The following ZFP90 variants were observed in gnomAD, a reference collection of about 807,000 sequenced individuals.
The protein encoded by ZFP90 is zinc finger protein 90 homolog.
In ZFP90, 38 loss-of-function variants were observed where a neutral mutation model predicts 60.8. The observed-to-expected ratio is 0.62, with a 90% CI of 0.48 to 0.82. The LOEUF is 0.82. Ranked by LOEUF, ZFP90 falls within the 40% of genes least tolerant of loss-of-function variation. ZFP90 has a pLI of 0.00. For missense variants in ZFP90, 711 were observed against 759.1 expected (o/e 0.94, Z 0.74); for synonymous variants, 287 against 264.8 (o/e 1.08, Z -0.82).
In ZFP90 at chr16:68,564,061, G is replaced by C. The variant is rs531556154; in HGVS notation, c.1274G>C (p.Ser425Thr). 3 of 1,614,098 alleles carry C rather than the reference G, an allele frequency of 1.9e-6. No homozygotes were observed. Among genetic ancestry groups the C allele is most frequent in the African/African-American group, 2.7e-5 (2 of 75,032 alleles). Residue 425 changes from serine to threonine, a missense_variant, in exon 5 of 5, where the codon AGT becomes ACT. Ser to Thr is a moderately conservative substitution (Grantham distance 58). Coordinates refer to ENST00000563169, the MANE Select transcript of ZFP90 (RefSeq NM_001305203.2). Reference protein sequence around the residue: ...IHKRGKPYQSSNYSIDFKHST... With the variant: ...IHKRGKPYQSTNYSIDFKHST... ...AAGAGAGGCAAACCTTACCAAAGCA[G>C]TAACTACAGCATAGATTTCAAGCAC...
At position 68,539,742 on chromosome 16, in the gene ZFP90, T is replaced by G. The variant is rs2091002913; in HGVS notation, c.-35-16T>G. Reference sequence around the variant, plus strand: ...GTGTTGCAGCGGGGTGAGTGGGCCCTGTCCTTTCTCCCCAGCTCCTGCCCC... The same window carrying G: ...GTGTTGCAGCGGGGTGAGTGGGCCCGGTCCTTTCTCCCCAGCTCCTGCCCC... On this transcript the variant is annotated splice_polypyrimidine_tract_variant and intron_variant, in intron 1 of 4. Transcript: ENST00000563169. 1.3e-6 allele frequency: 2 copies of G among 1,539,208 alleles called. No individual in the cohort carries two copies. The highest frequency in any genetic ancestry group is 2.4e-5 in the South Asian group (2 of 83,464).
downstream of ZFP90, chr16:68,567,209 C>T: frequency 3.1e-6 from 3 of 964,472 alleles, no homozygotes; most frequent in Non-Finnish European, 3.7e-6. Flanking sequence ...GAGGAATTAA[C>T]TGCTAAACTC....
intron 2 of ZFP90, 59 bp downstream of exon 2, chr16:68,539,884 A>G: frequency 1.3e-5 from 20 of 1,579,438 alleles, no homozygotes; most frequent in Non-Finnish European, 1.7e-5. Flanking sequence ...CCCATCTCCC[A>G]AGGGTGTTTG....
chr16:68,564,941 T>G lies in ZFP90; in HGVS notation c.*243T>G. 1 of 1,244,368 alleles carries G rather than the reference T, an allele frequency of 8.0e-7. No homozygotes were observed. Among genetic ancestry groups the G allele is most frequent in the Non-Finnish European group, 1.0e-6 (1 of 993,976 alleles). The allele number at this position is 1,244,368 out of a possible 1,614,324, so 77.1% of individuals were successfully genotyped here. On this transcript the variant is annotated 3_prime_UTR_variant, in exon 5 of 5. Transcript: ENST00000563169. ...GCTGGTTGGGGATGATATGCCTGTATGTTGGACTTTGCTTTTGAATATATG... is the reference window on the plus strand; with the variant it reads ...GCTGGTTGGGGATGATATGCCTGTAGGTTGGACTTTGCTTTTGAATATATG...
intron 2 of ZFP90, among the ~76,000 whole-genome samples, chr16:68,572,983 T>A (rs955347315): frequency 2.6e-5 from 4 of 152,208 alleles, no homozygotes; most frequent in African/African-American, 9.6e-5. Flanking sequence ...ACTCCATCTG[T>A]TTTCCTTGAC....
chr16:68,558,038 A>G lies in ZFP90; in HGVS notation c.74A>G (p.Gln25Arg). 4 of 1,613,934 alleles carry G rather than the reference A, an allele frequency of 2.5e-6. No individual in the cohort carries two copies. The highest frequency in any genetic ancestry group is 3.4e-6 in the Non-Finnish European group (4 of 1,179,968). Residue 25 changes from glutamine to arginine, a missense_variant, in exon 3 of 5, where the codon CAG becomes CGG. Gln to Arg is a conservative substitution (Grantham distance 43, BLOSUM62 1). This residue lies in a region of ZFP90 where 2 missense variants were observed against 18.2 expected (regional missense o/e 0.11). Transcript: ENST00000563169. The part of the protein sequence containing the change: ...TFKDVSVDFT[Q>R]EEWYHVDPAQ... The stretch of plus-strand genomic sequence containing the variant: ...AAAGATGTGTCTGTGGACTTCACCC[A>G]GGAAGAATGGTACCATGTCGACCCT...
chr16:68,540,569 C>G (rs375193148), intron 2 of ZFP90, among the ~76,000 whole-genome samples: 6 of 152,212 alleles, frequency 3.9e-5, no homozygotes, highest in African/African-American at 9.6e-5. Context: ...GAAAATACAT[C>G]AAGATCCAGA....
chr16:68,543,926 C>T (rs577384615), intron 2 of ZFP90, among the ~76,000 whole-genome samples: 9 of 149,370 alleles, frequency 6.0e-5, no homozygotes, highest in African/African-American at 1.7e-4. Context: ...AATGTTGTCT[C>T]GCTGCAACCT....
rs36048265 is a variant in ZFP90, at chr16:68,566,122, G to GACAC, written c.*1432_*1435dup. On this transcript the variant is annotated 3_prime_UTR_variant, in exon 5 of 5. Coordinates refer to ENST00000563169, the MANE Select transcript of ZFP90 (RefSeq NM_001305203.2). ...CATTCCAGCCTGAGCAACAGAGCAA[G>GACAC]ACACACACACATCAATTTATTTTAG... 1.1e-5 allele frequency: 11 copies of GACAC among 971,392 alleles called. No individual in the cohort carries two copies. Among genetic ancestry groups the GACAC allele is most frequent in the Non-Finnish European group, 9.8e-6 (8 of 817,614 alleles). The allele number at this position is 971,392 out of a possible 1,614,324, so 60.2% of individuals were successfully genotyped here. A position where few individuals can be genotyped will look rare whatever the true frequency, so the allele number is the denominator to read the frequency against.
Position 68,563,477 on chromosome 16 carries a change from G to C in ZFP90, c.690G>C (p.Glu230Asp). ...FIHRSSLTKHEKTHKGEGAFP... is the reference protein window; with the variant it reads ...FIHRSSLTKHDKTHKGEGAFP... ...ATAGATCATCGCTTACTAAACATGAGAAAACACATAAAGGAGAGGGAGCTT... is the reference window on the plus strand; with the variant it reads ...ATAGATCATCGCTTACTAAACATGACAAAACACATAAAGGAGAGGGAGCTT... The change falls in exon 5 of 5, where the codon GAG (glutamate) becomes GAC (aspartate). Residue 230 changes from glutamate (E) to aspartate (D), a missense_variant. Physicochemically the swap from Glu to Asp is conservative, Grantham distance 45. This residue lies in a region of ZFP90 where 241 missense variants were observed against 247.6 expected (regional missense o/e 0.97). Coordinates refer to ENST00000563169, the MANE Select transcript of ZFP90 (RefSeq NM_001305203.2). 1 of 1,614,058 alleles carries C rather than the reference G, an allele frequency of 6.2e-7. No homozygotes were observed. The highest frequency in any genetic ancestry group is 8.5e-7 in the Non-Finnish European group (1 of 1,180,002).
chr16:68,565,958 CTT>C lies in ZFP90; in HGVS notation c.*1262_*1263del. 4.2e-6 allele frequency: 3 copies of C among 709,188 alleles called. No individual in the cohort carries two copies. Among genetic ancestry groups the C allele is most frequent in the Non-Finnish European group, 5.2e-6 (3 of 582,218 alleles). The allele number at this position is 709,188 out of a possible 1,614,324, so 43.9% of individuals were successfully genotyped here. On this transcript the variant is annotated 3_prime_UTR_variant, in exon 5 of 5. Coordinates refer to ENST00000563169, the MANE Select transcript of ZFP90 (RefSeq NM_001305203.2). ...TGGACAACATGGTGAAACCCCATCT[CTT>C]TAAAAAAAAAAAAAAATCCAAAAAT... is the stretch of plus-strand genomic sequence containing the variant.
chr16:68,570,942 A>G (rs887470538), downstream of ZFP90, among the ~76,000 whole-genome samples: 3 of 152,228 alleles, frequency 2.0e-5, no homozygotes, highest in Non-Finnish European at 4.4e-5. Flanking sequence ...AGCAACCCTC[A>G]GATGCTGAAG....
rs2091471363 is a variant in ZFP90 at position 68,563,663 on chromosome 16, G to C, written c.876G>C (p.Arg292Ser). The stretch of plus-strand genomic sequence containing the variant: ...GCAATGTATGTGGAAAGGCCTTCAG[G>C]CATAGCTCATCTCTTGGTCAGCATG... ...FECNVCGKAF[R>S]HSSSLGQHEN... The change falls in exon 5 of 5, where the codon AGG becomes AGC. Residue 292 changes from arginine to serine, a missense_variant. Transcript: ENST00000563169. 1 of 1,613,948 alleles carries C rather than the reference G, an allele frequency of 6.2e-7. No individual in the cohort carries two copies.
At chr16:68,545,108 T>C (rs2091124303) in intron 2 of ZFP90, among the ~76,000 whole-genome samples, 2 of 152,020 alleles carry the variant, frequency 1.3e-5, no homozygotes, top group South Asian at 4.2e-4. Flanking sequence ...TTCGATCTCC[T>C]GACCTCATGA....
In ZFP90 at chr16:68,539,810, G is replaced by A. The variant is rs2091005913; in HGVS notation, c.18G>A (p.Pro6=). The change falls in exon 2 of 5, where the codon CCG becomes CCA. Residue 6 remains proline, a synonymous_variant. Transcript: ENST00000563169. ...AGGCAGGAATGGCCCCGAGGCCTCC[G>A]ACCGCCGCGCCCCAGGTGAGCAACG... is the stretch of plus-strand genomic sequence containing the variant. MAPRP[P]TAAPQESVTF... is the part of the protein sequence containing the mutation. 4 of 1,604,804 alleles carry A rather than the reference G, an allele frequency of 2.5e-6. No homozygotes were observed. Among genetic ancestry groups the A allele is most frequent in the Non-Finnish European group, 2.5e-6 (3 of 1,177,286 alleles).
intron 2 of ZFP90, among the ~76,000 whole-genome samples, chr16:68,552,977 G>A (rs575672829): frequency 1.2e-4 from 19 of 152,222 alleles, no homozygotes; most frequent in African/African-American, 4.1e-4. Context: ...GCCTAGGCCC[G>A]GTAGGTCAAG....
chr16:68,540,808 C>G (rs1304735396), intron 2 of ZFP90, among the ~76,000 whole-genome samples: 19 of 92,654 alleles, frequency 2.1e-4, no homozygotes, highest in South Asian at 7.3e-4. Context: ...TCCGTCTCTG[C>G]AAAAAAAAAA....
chr16:68,564,273 C>A lies in ZFP90; in HGVS notation c.1486C>A (p.Pro496Thr). 1 of 1,614,074 alleles carries A rather than the reference C, an allele frequency of 6.2e-7. No homozygotes were observed. The highest frequency in any genetic ancestry group is 8.5e-7 in the Non-Finnish European group (1 of 1,180,012). Residue 496 changes from proline to threonine, a missense_variant, in exon 5 of 5, where the codon CCC (proline) becomes ACC (threonine). Pro to Thr is a conservative substitution (Grantham distance 38, BLOSUM62 -1). Transcript: ENST00000563169. ...AGCTATTTCTCATCCTGGAGAGAAA[C>A]CCTATCAATGTAATGTATGTGGGAA... is the stretch of plus-strand genomic sequence containing the variant. ...QQAISHPGEK[P>T]YQCNVCGKAF...
At position 68,563,813 on chromosome 16, in the gene ZFP90, A is replaced by C. The variant is rs764376107; in HGVS notation, c.1026A>C (p.Leu342=). ...GAGAGAAACCCTATCGATGTAATCT[A>C]TGTGGGAGGTCCTTTAGGCATGGCA... ...HTGEKPYRCN[L]CGRSFRHGTS... The change falls in exon 5 of 5, where the codon CTA becomes CTC. Residue 342 remains leucine, a synonymous_variant. Transcript: ENST00000563169. 3.7e-6 allele frequency: 6 copies of C among 1,613,988 alleles called. No homozygotes were observed. Among genetic ancestry groups the C allele is most frequent in the Middle Eastern group, 1.6e-4 (1 of 6,062 alleles).
Sources: gnomAD v4.1 joint callset for allele counts (sites outside exome capture counted in the v4.1 genomes callset) on GRCh38, gnomAD v4.1.1 for gene constraint, gnomAD v4.1.1 regional missense constraint, MANE v1.5 for transcripts, NCBI Gene and HGNC (gene_info 2026-07-23, HGNC 2026-07-21) for gene names.